The following UGT1A4 variants were observed in gnomAD, a reference collection of about 807,000 sequenced individuals.
UGT1A4 encodes the protein UDP glucuronosyltransferase family 1 member A4.
A neutral mutation model predicts 41.1 loss-of-function variants in UGT1A4; 32 were observed. The observed-to-expected ratio is 0.78, with a 90% CI of 0.59 to 1.05. UGT1A4 has a LOEUF of 1.05. UGT1A4 is among the 50% of genes least tolerant of loss of function. The pLI, the probability that UGT1A4 is intolerant of heterozygous loss-of-function variation, is 0.00. For synonymous variants in UGT1A4, 283 were observed against 265.1 expected, an observed-to-expected ratio of 1.07 and a Z score of -0.66; for missense variants, 748 against 677.4, an observed-to-expected ratio of 1.10 and a Z score of -1.16.
At position 233,767,154 on chromosome 2, in the gene UGT1A4, A is replaced by C. The variant is rs1339405023; in HGVS notation, c.988A>C (p.Ile330Leu). ...AMAIADALGK[I>L]PQTVLWRYTG... Reference sequence around the variant, plus strand: ...GGCAATTGCTGATGCTTTGGGCAAAATCCCTCAGACAGTAAGAAGATTCTA... The same window carrying C: ...GGCAATTGCTGATGCTTTGGGCAAACTCCCTCAGACAGTAAGAAGATTCTA... Residue 330 changes from isoleucine (I) to leucine (L), a missense_variant, in exon 2 of 5, where the codon ATC (isoleucine) becomes CTC (leucine). Physicochemically the swap from Ile to Leu is conservative, Grantham distance 5 (BLOSUM62 2). Transcript: ENST00000373409. 1.9e-5 allele frequency: 31 copies of C among 1,614,082 alleles called. No homozygotes were observed. The highest frequency in any genetic ancestry group is 2.6e-5 in the Non-Finnish European group (31 of 1,180,002).
intron 1 of UGT1A4, among the ~76,000 whole-genome samples, chr2:233,757,571 A>T (rs112550375): frequency 1.3e-5 from 1 of 77,332 alleles, no homozygotes; most frequent in African/African-American, 6.0e-5. Context: ...TGTATATATG[A>T]TATAGCTATA....
chr2:233,737,293 C>T (rs2078860261), intron 1 of UGT1A4, among the ~76,000 whole-genome samples: 1 of 152,250 alleles, frequency 6.6e-6, no homozygotes, highest in Non-Finnish European at 1.5e-5. Context: ...CAGGCTGCCG[C>T]CTCACAGTTC....
chr2:233,738,647 T>G (rs1690861209), intron 1 of UGT1A4, among the ~76,000 whole-genome samples: 1 of 152,210 alleles, frequency 6.6e-6, no homozygotes, highest in Non-Finnish European at 1.5e-5. Context: ...TAGAGCTCTT[T>G]GGAACTACGA....
rs1019965389 is a variant in UGT1A4, at chr2:233,761,222, C to A, written c.868-5812C>A. 2.1e-5 allele frequency: 34 copies of A among 1,613,256 alleles called. No homozygotes were observed. In the African/African-American group the frequency reaches 4.4e-4, roughly 21 times the overall value. ...GTATTACTTTGGATCGATTAACTAG[C>A]CCCAGATATATGCTGAGCAAGCATT... On this transcript the variant is annotated intron_variant, in intron 1 of 4. Coordinates refer to ENST00000373409, the MANE Select transcript of UGT1A4 (RefSeq NM_007120.3).
At chr2:233,759,132 G>A (rs532304308) in intron 1 of UGT1A4, among the ~76,000 whole-genome samples, 12 of 152,322 alleles carry the variant, frequency 7.9e-5, no homozygotes, top group Non-Finnish European at 1.8e-4. Context: ...CCTCTGGTAC[G>A]CAATGAAGGT....
chr2:233,747,828 A>G, intron 1 of UGT1A4: 8 of 1,613,512 alleles, frequency 5.0e-6, no homozygotes, highest in Non-Finnish European at 6.8e-6. Flanking sequence ...AGACCACATG[A>G]CATTCCTGCA....
At chr2:233,761,218 C>G in intron 1 of UGT1A4, 1 of 1,613,694 alleles carries the variant, frequency 6.2e-7, no homozygotes, top group Non-Finnish European at 8.5e-7. Context: ...GATCGATTAA[C>G]TAGCCCCAGA....
At chr2:233,735,935 C>T (rs1483779972) in intron 1 of UGT1A4, among the ~76,000 whole-genome samples, 1 of 151,986 alleles carries the variant, frequency 6.6e-6, no homozygotes, top group Non-Finnish European at 1.5e-5. Context: ...CTGTGGCTGC[C>T]CTTAACATTT....
At chr2:233,757,312 G>C (rs1288195448) in intron 1 of UGT1A4, among the ~76,000 whole-genome samples, 2 of 141,204 alleles carry the variant, frequency 1.4e-5, no homozygotes, top group African/African-American at 2.7e-5. Flanking sequence ...GGACAGGGGG[G>C]CTGGGGCCCT....
At chr2:233,723,984 CCGCCTTTCT>C (rs1314945551) in intron 1 of UGT1A4, among the ~76,000 whole-genome samples, 116 of 66,216 alleles carry the variant, frequency 1.8e-3, no homozygotes, top group South Asian at 2.6e-3. Context: ...CCCACCTTTC[CCGCCTTTCT>C]ATTCCACAAA....
At chr2:233,763,395 T>C (rs1347086472) in intron 1 of UGT1A4, among the ~76,000 whole-genome samples, 2 of 152,256 alleles carry the variant, frequency 1.3e-5, no homozygotes, top group African/African-American at 2.4e-5. Context: ...TTAAACAACA[T>C]GGCACTGGTA....
At position 233,719,479 on chromosome 2, in the gene UGT1A4, T is replaced by A; in HGVS notation, c.659T>A (p.Leu220Gln). 3 of 1,614,024 alleles carry A rather than the reference T, an allele frequency of 1.9e-6. No individual in the cohort carries two copies. The highest frequency in any genetic ancestry group is 2.5e-6 in the Non-Finnish European group (3 of 1,179,878). The change falls in exon 1 of 5, where the codon CTG (leucine) becomes CAG (glutamine). Residue 220 changes from leucine to glutamine, a missense_variant. Coordinates refer to ENST00000373409, the MANE Select transcript of UGT1A4 (RefSeq NM_007120.3). ...RVKNMLYPLA[L>Q]SYICHTFSAP... ...AAGAACATGCTCTACCCTCTGGCCCTGTCCTACATTTGCCATACTTTTTCT... is the reference window on the plus strand; with the variant it reads ...AAGAACATGCTCTACCCTCTGGCCCAGTCCTACATTTGCCATACTTTTTCT...
chr2:233,764,999 A>G (rs984767809), intron 1 of UGT1A4, among the ~76,000 whole-genome samples: 8 of 151,978 alleles, frequency 5.3e-5, no homozygotes, highest in Admixed American at 1.3e-4. Flanking sequence ...TTTCCTGGTC[A>G]TGTTCCAAAT....
chr2:233,728,724 A>G (rs2077744422), intron 1 of UGT1A4, among the ~76,000 whole-genome samples: 1 of 152,220 alleles, frequency 6.6e-6, no homozygotes, highest in African/African-American at 2.4e-5. Flanking sequence ...AGCAGAGAGC[A>G]TATGACTGGG....
At chr2:233,758,572 TGAA>T (rs1353385899) in intron 1 of UGT1A4, among the ~76,000 whole-genome samples, 1 of 152,298 alleles carries the variant, frequency 6.6e-6, no homozygotes, top group East Asian at 1.9e-4. Flanking sequence ...TCCTAAAAAA[TGAA>T]GAGTGTTTGG....
intron 1 of UGT1A4, among the ~76,000 whole-genome samples, chr2:233,727,606 A>T (rs554046773): frequency 6.6e-6 from 1 of 152,298 alleles, no homozygotes; most frequent in Admixed American, 6.5e-5. Flanking sequence ...TTGGAGGAAT[A>T]GTTCAGAGGC....
chr2:233,751,459 G>A (rs1297643220), intron 1 of UGT1A4, among the ~76,000 whole-genome samples: 1 of 152,208 alleles, frequency 6.6e-6, no homozygotes, highest in East Asian at 1.9e-4. Context: ...TTGTTGGGAA[G>A]GCACGATTGG....
Position 233,757,333 on chromosome 2 carries a change from C to A in UGT1A4, c.868-9701C>A, listed in dbSNP as rs574658157. Among the ~76,000 whole-genome samples the A allele has an allele frequency of 8.6e-4, 129 of 150,728 alleles. 1 individual carries two copies. Among genetic ancestry groups the A allele is most frequent in the African/African-American group, 3.1e-3 (127 of 40,864 alleles). ...GGGGGCTGGGGCCCTGAAATGGGAC[C>A]ATGACAGCTGGGTCTGAGAGACAGT... On this transcript the variant is annotated intron_variant, in intron 1 of 4. Coordinates refer to ENST00000373409, the MANE Select transcript of UGT1A4 (RefSeq NM_007120.3).
intron 1 of UGT1A4, chr2:233,748,009 C>A: frequency 1.2e-6 from 2 of 1,613,492 alleles, no homozygotes; most frequent in Non-Finnish European, 1.7e-6. Flanking sequence ...ATGGATTACC[C>A]CAGGCCGATC....
Sources: gnomAD v4.1 joint callset for allele counts (sites outside exome capture counted in the v4.1 genomes callset) on GRCh38, gnomAD v4.1.1 for gene constraint, MANE v1.5 for transcripts, NCBI Gene and HGNC (gene_info 2026-07-23, HGNC 2026-07-21) for gene names.